The following PTPRG variants were observed in gnomAD, a reference collection of about 807,000 sequenced individuals.
PTPRG encodes the protein receptor-type tyrosine-protein phosphatase gamma.
In PTPRG, 102 loss-of-function variants were observed where a neutral mutation model predicts 165.3. The ratio of observed to expected loss-of-function variants is 0.62; its 90% confidence interval spans 0.53 to 0.73. The LOEUF is 0.73. Ranked by LOEUF, PTPRG falls within the 30% of genes least tolerant of loss-of-function variation. The pLI is 0.00. For missense variants in PTPRG, 1,866 were observed against 1,861.4 expected, an observed-to-expected ratio of 1.00 and a Z score of -0.05; for synonymous variants, 675 against 669.5, an observed-to-expected ratio of 1.01 and a Z score of -0.13.
chr3:61,901,934 T>C (rs1195254757), intron 2 of PTPRG, among the ~76,000 whole-genome samples: 1 of 152,248 alleles, frequency 6.6e-6, no homozygotes, highest in Non-Finnish European at 1.5e-5. Context: ...ATAATTATGC[T>C]TGCCTATTTT....
chr3:61,745,045 C>T (rs1181221778), intron 1 of PTPRG, among the ~76,000 whole-genome samples: 2 of 118,988 alleles, frequency 1.7e-5, no homozygotes, highest in Admixed American at 9.4e-5. Context: ...TTCATTCATT[C>T]CCTCACTTTT....
At chr3:62,220,844 A>G (rs1285930107) in intron 13 of PTPRG, among the ~76,000 whole-genome samples, 2 of 152,174 alleles carry the variant, frequency 1.3e-5, no homozygotes, top group Non-Finnish European at 2.9e-5. Context: ...CTGTCACCAC[A>G]GGGGAGCAGA....
At chr3:62,066,138 C>G (rs550741769) in intron 4 of PTPRG, among the ~76,000 whole-genome samples, 190 of 152,270 alleles carry the variant, frequency 1.2e-3, no homozygotes, top group African/African-American at 4.4e-3. Flanking sequence ...AGATCTACAC[C>G]TGTGTTAATT....
At chr3:62,125,915 C>T (rs1039368008) in intron 5 of PTPRG, among the ~76,000 whole-genome samples, 2 of 152,064 alleles carry the variant, frequency 1.3e-5, no homozygotes, top group African/African-American at 2.4e-5. Context: ...CTCTGAAACA[C>T]AGTGTATTAA....
intron 2 of PTPRG, among the ~76,000 whole-genome samples, chr3:61,954,522 G>A (rs1236974596): frequency 2.6e-5 from 4 of 152,080 alleles, no homozygotes; most frequent in Non-Finnish European, 5.9e-5. Flanking sequence ...ATTAGATGAG[G>A]TAAGCAATAG....
chr3:61,817,973 A>T (rs973395963), intron 2 of PTPRG, among the ~76,000 whole-genome samples: 2 of 152,194 alleles, frequency 1.3e-5, no homozygotes, highest in Admixed American at 1.3e-4. Context: ...CAAGGTTCAG[A>T]TAACAGTGTG....
rs190448654 is a variant in PTPRG, at chr3:62,067,431, A to G, written c.520-10732A>G. Among the ~76,000 whole-genome samples, 677 of 151,684 alleles carry G rather than the reference A, an allele frequency of 4.5e-3. 1 individual carries two copies. Among genetic ancestry groups the G allele is most frequent in the Middle Eastern group, 0.01 (3 of 294 alleles). ...CGAGGGACCGGTTTTGGGGAAGACA[A>G]TTTTTCCACGGACCTTGTCCATGGT... On this transcript the variant is annotated intron_variant, in intron 4 of 29. Coordinates refer to ENST00000474889, the MANE Select transcript of PTPRG (RefSeq NM_002841.4).
chr3:61,698,142 A>G lies in PTPRG; in HGVS notation c.86-50736A>G, dbSNP rs1465385472. ...TAAAACTTACATTAAATAAATATCT[A>G]TGCTTTTCTCTTGTTAATCTGCCTT... On this transcript the variant is annotated intron_variant, in intron 1 of 29. Coordinates refer to ENST00000474889, the MANE Select transcript of PTPRG (RefSeq NM_002841.4). Among the ~76,000 whole-genome samples the G allele has an allele frequency of 2.6e-5, 4 of 152,246 alleles. No homozygotes were observed. In the East Asian group the frequency reaches 7.7e-4, roughly 29 times the overall value.
chr3:62,064,424 C>G (rs968836541), intron 4 of PTPRG, among the ~76,000 whole-genome samples: 5 of 152,096 alleles, frequency 3.3e-5, no homozygotes, highest in African/African-American at 1.2e-4. Context: ...TGAGAACTTT[C>G]AAGGTTGGTC....
chr3:61,621,051 A>ATATATATATATATGTGTGTGTGTGTG lies in PTPRG; in HGVS notation c.85+58680_85+58681insATATATATATATGTGTGTGTGTGTGT. Among the ~76,000 whole-genome samples the ATATATATATATATGTGTGTGTGTGTG allele has an allele frequency of 2.8e-3, 328 of 117,858 alleles. 2 individuals are homozygous for ATATATATATATATGTGTGTGTGTGTG. Among genetic ancestry groups the ATATATATATATATGTGTGTGTGTGTG allele is most frequent in the Middle Eastern group, 8.1e-3 (2 of 246 alleles). The allele number at this position is 117,858 out of a possible 152,430, so 77.3% of individuals were successfully genotyped here. ...TGTGTGTGTATATATATATATATAT[A>ATATATATATATATGTGTGTGTGTGTG]TGTGTGTGTGTGTGTGTGTGTGTGT... On this transcript the variant is annotated intron_variant, in intron 1 of 29. Transcript: ENST00000474889.
At position 62,194,519 on chromosome 3, in the gene PTPRG, T is replaced by C. The variant is rs146029637; in HGVS notation, c.1219-543T>C. The stretch of plus-strand genomic sequence containing the variant: ...TAAAAATACAGCGAGGCCTTTGAAC[T>C]GTAAAGAAACAGACCTGGGCAGGCA... On this transcript the variant is annotated intron_variant, in intron 9 of 29. Transcript: ENST00000474889. Among the ~76,000 whole-genome samples, 1,237 of 152,264 alleles carry C rather than the reference T, an allele frequency of 8.1e-3. 9 individuals carry two copies. Among genetic ancestry groups the C allele is most frequent in the Non-Finnish European group, 0.013 (852 of 68,028 alleles).
chr3:61,671,138 C>CTTTT (rs11356444), intron 1 of PTPRG, among the ~76,000 whole-genome samples: 1 of 125,006 alleles, frequency 8.0e-6, no homozygotes, highest in African/African-American at 3.0e-5. Context: ...TATGAACTTT[C>CTTTT]TTTTTTTTTT....
intron 2 of PTPRG, among the ~76,000 whole-genome samples, chr3:61,804,823 G>T (rs879512860): frequency 6.6e-6 from 1 of 152,190 alleles, no homozygotes; most frequent in Non-Finnish European, 1.5e-5. Flanking sequence ...TCAGGCATTT[G>T]CCAGTGCAGC....
intron 6 of PTPRG, among the ~76,000 whole-genome samples, chr3:62,140,851 CAAAAA>C (rs58630476): frequency 2.8e-5 from 2 of 71,192 alleles, no homozygotes; most frequent in African/African-American, 5.3e-5. Flanking sequence ...GACTCGGTCT[CAAAAA>C]AAAAAAAAAA....
chr3:62,245,689 A>G lies in PTPRG; in HGVS notation c.2467+1791A>G, dbSNP rs1265573607. Among the ~76,000 whole-genome samples, 4 of 152,080 alleles carry G rather than the reference A, an allele frequency of 2.6e-5. No homozygotes were observed. Among genetic ancestry groups the G allele is most frequent in the Admixed American group, 2.0e-4 (3 of 15,258 alleles). On this transcript the variant is annotated intron_variant, in intron 15 of 29. Coordinates refer to ENST00000474889, the MANE Select transcript of PTPRG (RefSeq NM_002841.4). This position sits in a 1 kb window ranked among gnomAD's most constrained non-coding sequence, Gnocchi z 4.2. ...GTAACTGTCAAGACAACAGTAGATGATATTTGTAAAAGCACTTTGGAAACC... is the reference window on the plus strand; with the variant it reads ...GTAACTGTCAAGACAACAGTAGATGGTATTTGTAAAAGCACTTTGGAAACC...
chr3:62,004,820 A>G (rs578224635), intron 4 of PTPRG, among the ~76,000 whole-genome samples: 55 of 152,268 alleles, frequency 3.6e-4, no homozygotes, highest in Middle Eastern at 6.8e-3. Context: ...CAACTGTTAG[A>G]ATTTCATAGC....
At chr3:62,279,513 C>T (rs1354682469) in intron 26 of PTPRG, among the ~76,000 whole-genome samples, 1 of 152,006 alleles carries the variant, frequency 6.6e-6, no homozygotes, top group Non-Finnish European at 1.5e-5. Flanking sequence ...GATTAATTTA[C>T]CCAGGATCAC....
chr3:61,638,666 A>G (rs1701985506), intron 1 of PTPRG, among the ~76,000 whole-genome samples: 1 of 128,650 alleles, frequency 7.8e-6, no homozygotes. Context: ...TTGAACTCCT[A>G]GCCTCAAGTG....
In PTPRG at chr3:61,779,307, A is replaced by G. The variant is rs552541006; in HGVS notation, c.190+30325A>G. Among the ~76,000 whole-genome samples, 40 of 152,318 alleles carry G rather than the reference A, an allele frequency of 2.6e-4. No individual in the cohort carries two copies. In the South Asian group the frequency reaches 8.1e-3, roughly 31 times the overall value. On this transcript the variant is annotated intron_variant, in intron 2 of 29. Coordinates refer to ENST00000474889, the MANE Select transcript of PTPRG (RefSeq NM_002841.4). ...AGGAAAAAGTGGAAGATATAATGCTATACAAGTAGGTTTTGACTCCCAAGT... is the reference window on the plus strand; with the variant it reads ...AGGAAAAAGTGGAAGATATAATGCTGTACAAGTAGGTTTTGACTCCCAAGT...
Sources: gnomAD v4.1 joint callset for allele counts (sites outside exome capture counted in the v4.1 genomes callset) on GRCh38, gnomAD v4.1.1 for gene constraint, Gnocchi (gnomAD v3.1) non-coding constraint, MANE v1.5 for transcripts, NCBI Gene and HGNC (gene_info 2026-07-23, HGNC 2026-07-21) for gene names.